CHCHD3: variants seen among roughly 807,000 people sequenced by gnomAD.
CHCHD3 encodes the protein MICOS complex subunit MIC19.
A neutral mutation model predicts 38.2 loss-of-function variants in CHCHD3; 20 were observed. That is an observed-to-expected ratio of 0.52 (90% CI 0.37 to 0.76). The LOEUF (loss-of-function observed/expected upper bound fraction) is 0.76, where lower values mean the gene tolerates loss of function less well. Among genes scored for constraint, CHCHD3 ranks in the 30% least tolerant of loss-of-function variants. CHCHD3 has a pLI of 0.00. For missense variants in CHCHD3, 245 were observed against 279.2 expected (o/e 0.88, Z 0.87); for synonymous variants, 82 against 100.0 (o/e 0.82, Z 1.07).
At chr7:133,014,395 T>C (rs1368521427) in intron 3 of CHCHD3, among the ~76,000 whole-genome samples, 1 of 151,970 alleles carries the variant, frequency 6.6e-6, no homozygotes, top group Non-Finnish European at 1.5e-5. Flanking sequence ...TGTTTATATG[T>C]AAGGAAGCAA....
intron 3 of CHCHD3, among the ~76,000 whole-genome samples, chr7:132,984,756 C>T (rs1466988599): frequency 1.3e-5 from 2 of 148,882 alleles, no homozygotes; most frequent in East Asian, 2.0e-4. Context: ...GCAACCGGCC[C>T]GTCTGAGAAG....
intron 4 of CHCHD3, among the ~76,000 whole-genome samples, chr7:132,902,140 A>G (rs1414803635): frequency 4.6e-5 from 7 of 152,164 alleles, no homozygotes; most frequent in African/African-American, 1.7e-4. Context: ...CTCATTTAGA[A>G]TGGCAATCAT....
intron 4 of CHCHD3, among the ~76,000 whole-genome samples, chr7:132,967,364 G>A (rs916699367): frequency 2.0e-5 from 3 of 152,084 alleles, no homozygotes; most frequent in African/African-American, 7.2e-5. Flanking sequence ...CGTGTTGACT[G>A]GATAGGCCCC....
In CHCHD3 at chr7:132,975,198, C is replaced by T. The variant is rs761670780; in HGVS notation, c.340G>A (p.Glu114Lys). The T allele has an allele frequency of 1.1e-5, 18 of 1,612,230 alleles. 1 individual carries two copies. In the Admixed American group the frequency reaches 1.2e-4, roughly 10 times the overall value. ...TGCTTTGCCTTAGCGCGTTCCTCCTCGCTACATATCCTCTCCCGAAGGATG... is the reference window on the plus strand; with the variant it reads ...TGCTTTGCCTTAGCGCGTTCCTCCTTGCTACATATCCTCTCCCGAAGGATG... ...RAILRERICS[E>K]EERAKAKHLA... Residue 114 changes from glutamate (E) to lysine (K), a missense_variant, in exon 4 of 8, where the codon GAG becomes AAG. Transcript: ENST00000262570.
In CHCHD3 at chr7:132,940,348, T is replaced by C. The variant is rs542300644; in HGVS notation, c.369+34821A>G. On this transcript the variant is annotated intron_variant, in intron 4 of 7. Coordinates refer to ENST00000262570, the MANE Select transcript of CHCHD3 (RefSeq NM_017812.4). ...TTAGGTATAACTCAATTATCTGGCATCCCTGGGAAATAAGGTGTTCCATTT... is the reference window on the plus strand; with the variant it reads ...TTAGGTATAACTCAATTATCTGGCACCCCTGGGAAATAAGGTGTTCCATTT... Among the ~76,000 whole-genome samples the C allele has an allele frequency of 2.0e-5, 3 of 152,326 alleles. No homozygotes were observed. In the East Asian group the frequency reaches 5.8e-4, roughly 29 times the overall value.
chr7:132,946,608 T>C (rs1487892790), intron 4 of CHCHD3, among the ~76,000 whole-genome samples: 1 of 151,852 alleles, frequency 6.6e-6, no homozygotes, highest in East Asian at 1.9e-4. Context: ...TTTATAAAAA[T>C]ATATTCCATT....
At chr7:132,917,662 T>C (rs1265475791) in intron 4 of CHCHD3, among the ~76,000 whole-genome samples, 1 of 151,918 alleles carries the variant, frequency 6.6e-6, no homozygotes, top group East Asian at 1.9e-4. Flanking sequence ...ATCGAGACCA[T>C]CCTGGTTAAC....
chr7:132,998,686 G>C (rs1011483620), intron 3 of CHCHD3, among the ~76,000 whole-genome samples: 1 of 152,116 alleles, frequency 6.6e-6, no homozygotes, highest in African/African-American at 2.4e-5. Flanking sequence ...GATTACTCCT[G>C]TTTTTAAAAA....
At chr7:133,001,754 T>A (rs1000542482) in intron 3 of CHCHD3, among the ~76,000 whole-genome samples, 1 of 152,126 alleles carries the variant, frequency 6.6e-6, no homozygotes, top group African/African-American at 2.4e-5. Flanking sequence ...AAAGGGCAAA[T>A]GTAGAAGAGA....
chr7:132,811,766 G>A lies in CHCHD3; in HGVS notation c.525-15189C>T, dbSNP rs77882520. ...CTACACTCTCCTGTTTTTCCTCCCGGCTCTCTGGCTCATTGTCTTCTAACT... is the reference window on the plus strand; with the variant it reads ...CTACACTCTCCTGTTTTTCCTCCCGACTCTCTGGCTCATTGTCTTCTAACT... On this transcript the variant is annotated intron_variant, in intron 6 of 7. Transcript: ENST00000262570. Among the ~76,000 whole-genome samples, 62 of 152,188 alleles carry A rather than the reference G, an allele frequency of 4.1e-4. 1 individual carries two copies. In the East Asian group the frequency reaches 7.5e-3, roughly 18 times the overall value.
At chr7:133,009,208 A>G (rs1211797916) in intron 3 of CHCHD3, among the ~76,000 whole-genome samples, 1 of 151,806 alleles carries the variant, frequency 6.6e-6, no homozygotes, top group East Asian at 1.9e-4. Flanking sequence ...ATTAAAAAAC[A>G]CAGAAATTGG....
At chr7:132,963,692 T>TACACACACACACACAC (rs1174201921) in intron 4 of CHCHD3, among the ~76,000 whole-genome samples, 41 of 46,910 alleles carry the variant, frequency 8.7e-4, no homozygotes, top group Non-Finnish European at 1.5e-3. Flanking sequence ...CACAAACGAT[T>TACACACACACACACAC]ATACACACAC....
intron 4 of CHCHD3, among the ~76,000 whole-genome samples, chr7:132,965,453 GAA>G (rs112505425): frequency 3.0e-5 from 4 of 135,342 alleles, no homozygotes; most frequent in African/African-American, 5.4e-5. Context: ...TTAGTTAAAT[GAA>G]AAAAAAAAAA....
intron 7 of CHCHD3, among the ~76,000 whole-genome samples, chr7:132,787,591 C>T (rs1033976555): frequency 3.3e-5 from 5 of 152,008 alleles, no homozygotes; most frequent in East Asian, 1.9e-4. Context: ...TCTAGAAGGA[C>T]GCTGTAGGCC....
At chr7:133,015,382 A>AAATAAATG (rs1208921515) in intron 3 of CHCHD3, among the ~76,000 whole-genome samples, 1 of 150,438 alleles carries the variant, frequency 6.6e-6, no homozygotes, top group Non-Finnish European at 1.5e-5. Flanking sequence ...ATAAATAAAT[A>AAATAAATG]AATGTCAGGT....
At chr7:133,017,479 T>C (rs1813060815) in intron 3 of CHCHD3, among the ~76,000 whole-genome samples, 1 of 152,208 alleles carries the variant, frequency 6.6e-6, no homozygotes, top group Non-Finnish European at 1.5e-5. Flanking sequence ...GACAAGACTA[T>C]TACAGCTATA....
intron 6 of CHCHD3, among the ~76,000 whole-genome samples, chr7:132,800,311 C>T (rs10244815): frequency 0.12 from 18,953 of 152,062 alleles, 1,278 homozygotes; most frequent in Middle Eastern, 0.18. Context: ...CAAAGAGAAA[C>T]GAAAACAGTT....
At chr7:133,049,937 C>T (rs1421910940) in intron 2 of CHCHD3, among the ~76,000 whole-genome samples, 1 of 152,192 alleles carries the variant, frequency 6.6e-6, no homozygotes, top group Non-Finnish European at 1.5e-5. Flanking sequence ...CTAAGGTACA[C>T]ATTTATTCGT....
intron 4 of CHCHD3, among the ~76,000 whole-genome samples, chr7:132,899,583 G>C (rs564033841): frequency 1.3e-5 from 2 of 152,226 alleles, no homozygotes; most frequent in African/African-American, 4.8e-5. Context: ...GTGTTTGTAT[G>C]TATCAGTTCC....
Sources: allele counts gnomAD v4.1 joint callset (sites outside exome capture counted in the v4.1 genomes callset), GRCh38; gene constraint gnomAD v4.1.1; transcripts MANE v1.5; gene names NCBI Gene and HGNC (gene_info 2026-07-23, HGNC 2026-07-21).